RAB11FIP3: variants seen among roughly 807,000 people sequenced by gnomAD.
RAB11FIP3 encodes the protein RAB11 family interacting protein 3.
Under a neutral mutation model 77.8 loss-of-function variants are expected in RAB11FIP3, and 17 were observed. The observed-to-expected ratio is 0.22, with a 90% CI of 0.15 to 0.33. RAB11FIP3 has a LOEUF of 0.33. Ranked by LOEUF, RAB11FIP3 falls within the 10% of genes least tolerant of loss-of-function variation. RAB11FIP3 has a pLI of 1.00. For synonymous variants in RAB11FIP3, 437 were observed against 448.2 expected, an observed-to-expected ratio of 0.98 and a Z score of 0.31; for missense variants, 1,005 against 1,011.2, an observed-to-expected ratio of 0.99 and a Z score of 0.08.
intron 4 of RAB11FIP3, among the ~76,000 whole-genome samples, chr16:486,739 A>G (rs1316402480): frequency 3.9e-5 from 6 of 152,146 alleles, no homozygotes; most frequent in African/African-American, 1.2e-4. Context: ...AAGTGTCCTG[A>G]GGAGAGGAGG....
intron 9 of RAB11FIP3, among the ~76,000 whole-genome samples, chr16:516,235 G>C (rs1391069174): frequency 1.3e-5 from 2 of 152,176 alleles, no homozygotes; most frequent in Non-Finnish European, 2.9e-5. Flanking sequence ...ACCAAATTCT[G>C]GGTGTTGGTG....
intron 1 of RAB11FIP3, among the ~76,000 whole-genome samples, chr16:428,950 T>G (rs2054994728): frequency 6.6e-6 from 1 of 151,998 alleles, no homozygotes; most frequent in African/African-American, 2.4e-5. Context: ...GACTTGGGAT[T>G]TGGTGAGGAT....
At chr16:497,305 T>A in intron 6 of RAB11FIP3, 3 of 1,304,350 alleles carry the variant, frequency 2.3e-6, no homozygotes, top group Non-Finnish European at 3.0e-6. Flanking sequence ...CGTATAGATC[T>A]GTTGGCTTCC....
At chr16:493,956 T>C (rs2030855120) in intron 5 of RAB11FIP3, among the ~76,000 whole-genome samples, 1 of 139,546 alleles carries the variant, frequency 7.2e-6, no homozygotes, top group Non-Finnish European at 1.5e-5. Flanking sequence ...CAGGCTGGAG[T>C]GCGGTGGTGC....
chr16:462,792 A>G (rs1486641221), intron 2 of RAB11FIP3, among the ~76,000 whole-genome samples: 23 of 82,284 alleles, frequency 2.8e-4, no homozygotes, highest in South Asian at 2.1e-3. Context: ...CCCCAGCACC[A>G]TCCCTTCCCC....
At chr16:455,248 G>C (rs1476346942) in intron 1 of RAB11FIP3, among the ~76,000 whole-genome samples, 1 of 151,266 alleles carries the variant, frequency 6.6e-6, no homozygotes, top group Non-Finnish European at 1.5e-5. Context: ...GGGAGGCCAA[G>C]GTGGGCGGAT....
intron 1 of RAB11FIP3, among the ~76,000 whole-genome samples, chr16:436,482 A>G (rs537419939): frequency 1.1e-4 from 16 of 151,804 alleles, no homozygotes; most frequent in East Asian, 9.7e-4. Context: ...TTATTTATTT[A>G]TTTGTTTATT....
At chr16:502,957 C>G (rs750782734) in intron 6 of RAB11FIP3, 47 bp from the exon 7 acceptor site, 1 of 1,440,444 alleles carries the variant, frequency 6.9e-7, no homozygotes, top group South Asian at 1.1e-5. Context: ...GGAGCATGTC[C>G]TGTGGTTTTT....
chr16:492,868 C>T (rs1440393138), intron 5 of RAB11FIP3, among the ~76,000 whole-genome samples: 2 of 152,152 alleles, frequency 1.3e-5, no homozygotes, highest in Non-Finnish European at 1.5e-5. Flanking sequence ...TTTGTGGGGG[C>T]AGAGAAGGGA....
At chr16:444,112 A>C (rs2055272946) in intron 1 of RAB11FIP3, among the ~76,000 whole-genome samples, 1 of 151,992 alleles carries the variant, frequency 6.6e-6, no homozygotes, top group South Asian at 2.1e-4. Context: ...CTGTGCATGG[A>C]GGTTGGCCGA....
chr16:482,226 T>G, intron 3 of RAB11FIP3: 4 of 525,414 alleles, frequency 7.6e-6, no homozygotes, highest in Non-Finnish European at 7.2e-6. Flanking sequence ...CTAGGTAAGT[T>G]TTGTATTTTT....
At chr16:496,883 T>C (rs374468432) in intron 6 of RAB11FIP3, 24 bp downstream of exon 6, 2 of 1,545,530 alleles carry the variant, frequency 1.3e-6, no homozygotes, top group South Asian at 2.2e-5. Flanking sequence ...TGGTTCCTGC[T>C]GAAAAACGTT....
intron 1 of RAB11FIP3, among the ~76,000 whole-genome samples, chr16:444,124 G>A (rs1170631928): frequency 6.6e-6 from 1 of 152,182 alleles, no homozygotes; most frequent in East Asian, 1.9e-4. Context: ...GTTGGCCGAG[G>A]CAGCCTCTGA....
At chr16:459,431 CTTT>C (rs56705738) in intron 1 of RAB11FIP3, among the ~76,000 whole-genome samples, 12 of 117,410 alleles carry the variant, frequency 1.0e-4, no homozygotes, top group African/African-American at 6.5e-5. Context: ...CAGCTTCAAA[CTTT>C]TTTTTTTTTT....
At chr16:458,781 G>T (rs1001896043) in intron 1 of RAB11FIP3, among the ~76,000 whole-genome samples, 2 of 152,238 alleles carry the variant, frequency 1.3e-5, no homozygotes, top group Non-Finnish European at 2.9e-5. Context: ...CCCCTCTGTG[G>T]CTGAATGCTG....
chr16:456,735 C>T (rs996078711), intron 1 of RAB11FIP3, among the ~76,000 whole-genome samples: 3 of 152,056 alleles, frequency 2.0e-5, no homozygotes, highest in East Asian at 3.8e-4. Flanking sequence ...CCATCCTGGG[C>T]GACGGAGTGA....
Position 521,152 on chromosome 16 carries a change from T to C in RAB11FIP3, c.*313T>C. 2 of 454,546 alleles carry C rather than the reference T, an allele frequency of 4.4e-6. No homozygotes were observed. The highest frequency in any genetic ancestry group is 4.1e-5 in the East Asian group (1 of 24,474). 28.2% of individuals were successfully genotyped at this position (454,546 alleles called of 1,614,324 possible). On this transcript the variant is annotated 3_prime_UTR_variant, in exon 14 of 14. Transcript: ENST00000262305. ...TCCCAGCCCTGAGTCAAGCTGGCCA[T>C]GAACGCGTACACTTCAGTTCAGCAG...
chr16:519,549 C>A (rs1260180901), intron 10 of RAB11FIP3, among the ~76,000 whole-genome samples: 1 of 152,248 alleles, frequency 6.6e-6, no homozygotes, highest in Non-Finnish European at 1.5e-5. Flanking sequence ...TCGTGGCCTG[C>A]GTGTGCGCCT....
chr16:507,709 G>T lies in RAB11FIP3; in HGVS notation c.1499+2082G>T, dbSNP rs1371563410. On this transcript the variant is annotated intron_variant, in intron 8 of 13. Transcript: ENST00000262305. The surrounding 1 kb of genome is among the most constrained non-coding windows in gnomAD (Gnocchi z 4.6). ...CATTCAGTTCCTGTGGCTGTTCCCTGTGGTGCTCACCTCCAACGTCCTAAA... is the reference window on the plus strand; with the variant it reads ...CATTCAGTTCCTGTGGCTGTTCCCTTTGGTGCTCACCTCCAACGTCCTAAA... 2.6e-5 allele frequency among the ~76,000 whole-genome samples: 4 copies of T among 152,236 alleles called. No individual in the cohort carries two copies. The highest frequency in any genetic ancestry group is 6.5e-5 in the Admixed American group (1 of 15,282).
Sources: allele counts gnomAD v4.1 joint callset (sites outside exome capture counted in the v4.1 genomes callset), GRCh38; gene constraint gnomAD v4.1.1; non-coding constraint Gnocchi (gnomAD v3.1); transcripts MANE v1.5; gene names NCBI Gene and HGNC (gene_info 2026-07-23, HGNC 2026-07-21).